The following VIPAS39 variants were observed in gnomAD, a reference collection of about 807,000 sequenced individuals.
VIPAS39 encodes the protein VPS33B interacting protein, apical-basolateral polarity regulator, spe-39 homolog.
Under a neutral mutation model 84.7 loss-of-function variants are expected in VIPAS39, and 63 were observed. That is an observed-to-expected ratio of 0.74 (90% confidence interval 0.61 to 0.92). The LOEUF is 0.92. Among genes scored for constraint, VIPAS39 ranks in the 40% least tolerant of loss-of-function variants. The probability of loss-of-function intolerance (pLI) is 0.00; values close to 1 mark genes in which losing one functional copy is unlikely to be tolerated. For missense variants in VIPAS39, 499 were observed against 604.5 expected (o/e 0.83, Z 1.83); for synonymous variants, 192 against 216.5 (o/e 0.89, Z 0.99).
intron 7 of VIPAS39, 125 bp downstream of exon 7, chr14:77,448,369 G>A: frequency 9.7e-7 from 1 of 1,029,434 alleles, no homozygotes; most frequent in South Asian, 1.3e-5. Flanking sequence ...TTCAACCTTA[G>A]TGGATTTATT....
intron 13 of VIPAS39, 81 bp from the exon 14 acceptor site, chr14:77,435,474 C>T (rs2078595868): frequency 1.3e-6 from 2 of 1,566,762 alleles, no homozygotes; most frequent in Middle Eastern, 1.7e-4. Flanking sequence ...TTTAATACTA[C>T]AGCAGTTGTG....
In VIPAS39 at chr14:77,454,073, C is replaced by T; in HGVS notation, c.30G>A (p.Glu10=). The T allele has an allele frequency of 6.2e-7, 1 of 1,614,200 alleles. No individual in the cohort carries two copies. Among genetic ancestry groups the T allele is most frequent in the Non-Finnish European group, 8.5e-7 (1 of 1,180,026 alleles). ...CCTTGAACTTGGAGCTGTTCCAATA[C>T]TCCTCCTCATCACCCTTTGTCCGAT... is the stretch of plus-strand genomic sequence containing the variant. MNRTKGDEE[E]YWNSSKFKAF... The change falls in exon 2 of 20, where the codon GAG becomes GAA. Residue 10 remains glutamate, a synonymous_variant. Transcript: ENST00000557658.
chr14:77,430,723 G>A (rs79021904), intron 16 of VIPAS39, among the ~76,000 whole-genome samples: 1,970 of 120,784 alleles, frequency 0.016, no homozygotes, highest in Middle Eastern at 0.025. Flanking sequence ...TCTCAAAAAA[G>A]AAAAAAAAAA....
At chr14:77,454,464 C>T (rs1049977197) in intron 1 of VIPAS39, among the ~76,000 whole-genome samples, 12 of 152,148 alleles carry the variant, frequency 7.9e-5, no homozygotes, top group African/African-American at 2.2e-4. Flanking sequence ...CACCTGAGGT[C>T]AGGAGTTCGA....
intron 10 of VIPAS39, 102 bp downstream of exon 10, chr14:77,442,458 T>G: frequency 1.0e-6 from 1 of 981,576 alleles, no homozygotes; most frequent in African/African-American, 1.6e-5. Context: ...TCCAAGCACT[T>G]CCAGGAAAAG....
chr14:77,457,466 G>A, intron 1 of VIPAS39, 29 bp downstream of exon 1: 1 of 1,455,340 alleles, frequency 6.9e-7, no homozygotes. Flanking sequence ...AGCCAGATAC[G>A]CGACCCAAGG....
intron 16 of VIPAS39, among the ~76,000 whole-genome samples, chr14:77,430,129 A>G (rs909232907): frequency 2.6e-5 from 4 of 152,210 alleles, no homozygotes; most frequent in African/African-American, 9.7e-5. Flanking sequence ...TCATGAGGGA[A>G]GGTCTGGAAA....
At chr14:77,449,814 G>T in intron 4 of VIPAS39, 62 bp from the exon 5 acceptor site, 2 of 1,589,656 alleles carry the variant, frequency 1.3e-6, no homozygotes, top group South Asian at 1.1e-5. Context: ...ATCCAGGCTT[G>T]GTTAAAGACA....
chr14:77,430,733 A>G (rs937751897), intron 16 of VIPAS39, among the ~76,000 whole-genome samples: 1 of 149,900 alleles, frequency 6.7e-6, no homozygotes, highest in Admixed American at 6.6e-5. Flanking sequence ...GAAAAAAAAA[A>G]AAAAAGGGGG....
intron 7 of VIPAS39, among the ~76,000 whole-genome samples, chr14:77,445,360 T>C (rs2078771873): frequency 6.6e-6 from 1 of 152,240 alleles, no homozygotes; most frequent in South Asian, 2.1e-4. Flanking sequence ...GTGATGTGTC[T>C]GGTCAACTCT....
At chr14:77,456,165 G>A (rs759377402) in intron 1 of VIPAS39, among the ~76,000 whole-genome samples, 3 of 151,992 alleles carry the variant, frequency 2.0e-5, no homozygotes, top group Admixed American at 6.6e-5. Flanking sequence ...TGGTTTTCCC[G>A]TCTGTTAAAT....
At chr14:77,440,153 G>A (rs975768276) in intron 11 of VIPAS39, 5 of 150,992 alleles carry the variant, frequency 3.3e-5, no homozygotes, top group Non-Finnish European at 5.9e-5. Context: ...CCAAGTGCTG[G>A]CATTACAGGC....
chr14:77,435,429 A>AAAC, intron 13 of VIPAS39, 36 bp from the exon 14 acceptor site: 2 of 1,610,376 alleles, frequency 1.2e-6, no homozygotes, highest in Non-Finnish European at 1.7e-6. Context: ...AAAAAAAAAA[A>AAAC]CAATGTCCAT....
rs755289778 is a variant in VIPAS39 at position 77,453,382 on chromosome 14, G to A, written c.113C>T (p.Ala38Val). Residue 38 changes from alanine (A) to valine (V), a missense_variant, in exon 3 of 20, where the codon GCG (alanine) becomes GTG (valine). By Grantham distance (64) the Ala-to-Val change is moderately conservative (BLOSUM62 0). Transcript: ENST00000557658. ...ELSQLKESKR[A>V]VNSLRDFVDD... ...CACGAAGTCTCGGAGGCTGTTCACC[G>A]CCCGCTTGGACTCCTTTAACTGCAG... 6.8e-6 allele frequency: 11 copies of A among 1,614,006 alleles called. No homozygotes were observed. The highest frequency in any genetic ancestry group is 4.5e-5 in the East Asian group (2 of 44,882).
chr14:77,455,769 G>A (rs2078951357), intron 1 of VIPAS39, among the ~76,000 whole-genome samples: 1 of 152,196 alleles, frequency 6.6e-6, no homozygotes, highest in African/African-American at 2.4e-5. Context: ...TTTCAACTCA[G>A]GGGATATAGG....
At chr14:77,448,995 C>T (rs992960363) in intron 6 of VIPAS39, among the ~76,000 whole-genome samples, 1 of 152,182 alleles carries the variant, frequency 6.6e-6, no homozygotes, top group Non-Finnish European at 1.5e-5. Context: ...CTCTACCAGG[C>T]TTCCAGACTG....
intron 17 of VIPAS39, 147 bp from the exon 18 acceptor site, chr14:77,429,242 C>A: frequency 1.4e-6 from 1 of 718,496 alleles, no homozygotes. Flanking sequence ...ACTAGTTCTG[C>A]AATGGGAATG....
At chr14:77,452,744 C>T (rs892475121) in intron 3 of VIPAS39, among the ~76,000 whole-genome samples, 6 of 133,490 alleles carry the variant, frequency 4.5e-5, no homozygotes, top group African/African-American at 1.7e-4. Flanking sequence ...CGCGCCATTG[C>T]ACTCCAGACT....
At position 77,457,572 on chromosome 14, in the gene VIPAS39, T is replaced by C. The variant is rs1160276338; in HGVS notation, c.-78A>G. The C allele has an allele frequency of 8.2e-6, 5 of 607,626 alleles. No homozygotes were observed. Among genetic ancestry groups the C allele is most frequent in the Admixed American group, 3.0e-5 (1 of 33,042 alleles). The allele number at this position is 607,626 out of a possible 1,614,324, so 37.6% of individuals were successfully genotyped here. ...TGGACCAGCCCTTCTATTCAGGCTG[T>C]GCAGCTTAGAGAAGGGGGCGGAAGG... On this transcript the variant is annotated 5_prime_UTR_variant, in exon 1 of 20. Coordinates refer to ENST00000557658, the MANE Select transcript of VIPAS39 (RefSeq NM_001193315.2).
Sources: gnomAD v4.1 joint callset for allele counts (sites outside exome capture counted in the v4.1 genomes callset) on GRCh38, gnomAD v4.1.1 for gene constraint, MANE v1.5 for transcripts, NCBI Gene and HGNC (gene_info 2026-07-23, HGNC 2026-07-21) for gene names.